The following SMCO4 variants were observed in gnomAD, a reference collection of about 807,000 sequenced individuals.
The protein encoded by SMCO4 is single-pass membrane and coiled-coil domain-containing protein 4.
SMCO4 carries 4 observed loss-of-function variants against 3.6 expected under a neutral mutation model. The observed-to-expected ratio is 1.11, with a 90% CI of 0.54 to 2.53. SMCO4 has a LOEUF of 2.53. Among genes scored for constraint, SMCO4 ranks in the 30% most tolerant of loss-of-function variants. The pLI is 0.02. For missense variants in SMCO4, 70 were observed against 80.8 expected, an observed-to-expected ratio of 0.87 and a Z score of 0.51; for synonymous variants, 36 against 35.3, an observed-to-expected ratio of 1.02 and a Z score of -0.07.
chr11:93,522,454 T>C (rs1418629934), intron 1 of SMCO4, among the ~76,000 whole-genome samples: 1 of 152,226 alleles, frequency 6.6e-6, no homozygotes, highest in Admixed American at 6.5e-5. Flanking sequence ...ACGACCAGTT[T>C]ACGCAACACA....
At chr11:93,505,744 C>T (rs1948892801) in intron 1 of SMCO4, among the ~76,000 whole-genome samples, 1 of 152,062 alleles carries the variant, frequency 6.6e-6, no homozygotes, top group Non-Finnish European at 1.5e-5. Context: ...CACAGATGCC[C>T]ATTCATCAAC....
At chr11:93,516,288 G>C (rs982090792) in intron 1 of SMCO4, among the ~76,000 whole-genome samples, 1 of 152,122 alleles carries the variant, frequency 6.6e-6, no homozygotes, top group Non-Finnish European at 1.5e-5. Flanking sequence ...GAAAGAAGGG[G>C]AGTCAGGCAG....
At chr11:93,494,114 G>A (rs1420668639) in intron 2 of SMCO4, among the ~76,000 whole-genome samples, 1 of 152,140 alleles carries the variant, frequency 6.6e-6, no homozygotes, top group African/African-American at 2.4e-5. Flanking sequence ...ACTGTCCATG[G>A]AGGCAAGGCA....
intron 1 of SMCO4, among the ~76,000 whole-genome samples, chr11:93,518,116 C>A (rs1949024746): frequency 6.6e-6 from 1 of 152,232 alleles, no homozygotes; most frequent in African/African-American, 2.4e-5. Context: ...CTCTTCCCTC[C>A]AGCCCCTGGA....
At chr11:93,551,840 T>C in the SMCO4 span, among the ~76,000 whole-genome samples, 3 of 152,312 alleles carry the variant, frequency 2.0e-5, no homozygotes, top group East Asian at 5.8e-4. Context: ...AAGCATGATT[T>C]AGAAGTGCAG....
intron 1 of SMCO4, among the ~76,000 whole-genome samples, chr11:93,510,965 G>A (rs1432376322): frequency 1.3e-5 from 2 of 152,128 alleles, no homozygotes; most frequent in African/African-American, 4.8e-5. Context: ...CAGGTATGGT[G>A]GCAGGCACCT....
intron 1 of SMCO4, among the ~76,000 whole-genome samples, chr11:93,520,166 TC>T (rs1356891528): frequency 3.3e-5 from 5 of 152,136 alleles, no homozygotes; most frequent in Non-Finnish European, 5.9e-5. Context: ...TCTGGACAAC[TC>T]CCTTGTTTTA....
intron 1 of SMCO4, among the ~76,000 whole-genome samples, chr11:93,519,851 C>T (rs1949041652): frequency 6.6e-6 from 1 of 152,132 alleles, no homozygotes; most frequent in Non-Finnish European, 1.5e-5. Context: ...CTTGTAATAT[C>T]CCCTATGTGT....
At chr11:93,516,003 A>G (rs1311171736) in intron 1 of SMCO4, among the ~76,000 whole-genome samples, 1 of 152,156 alleles carries the variant, frequency 6.6e-6, no homozygotes, top group Non-Finnish European at 1.5e-5. Context: ...TCTACACAGG[A>G]GGCTGCTTCA....
At chr11:93,532,085 A>G (rs1416352564) in intron 1 of SMCO4, among the ~76,000 whole-genome samples, 2 of 152,172 alleles carry the variant, frequency 1.3e-5, no homozygotes, top group South Asian at 2.1e-4. Context: ...GGACCTTCTG[A>G]GGCTGTGTCA....
chr11:93,543,794 A>G (rs1230546314), upstream of SMCO4, among the ~76,000 whole-genome samples: 2 of 152,244 alleles, frequency 1.3e-5, no homozygotes, highest in Non-Finnish European at 2.9e-5. Flanking sequence ...CCCTGTCTGG[A>G]ATACTGAAGT....
chr11:93,553,336 G>T, the SMCO4 span, among the ~76,000 whole-genome samples: 11 of 152,166 alleles, frequency 7.2e-5, no homozygotes, highest in African/African-American at 2.7e-4. Flanking sequence ...TCTCAAAGGG[G>T]TCTATGGCTG....
chr11:93,496,503 A>G (rs1423688282), intron 2 of SMCO4, among the ~76,000 whole-genome samples: 1 of 152,158 alleles, frequency 6.6e-6, no homozygotes, highest in Non-Finnish European at 1.5e-5. Context: ...CCCATGAGAT[A>G]CCAAGTTTGC....
intron 1 of SMCO4, among the ~76,000 whole-genome samples, chr11:93,519,228 G>A (rs1259479008): frequency 1.3e-5 from 2 of 152,156 alleles, no homozygotes; most frequent in East Asian, 3.9e-4. Flanking sequence ...TGGCAAGATG[G>A]GAATGCAGAG....
At chr11:93,528,451 T>C (rs1949132263) in intron 1 of SMCO4, among the ~76,000 whole-genome samples, 1 of 152,212 alleles carries the variant, frequency 6.6e-6, no homozygotes, top group Non-Finnish European at 1.5e-5. Flanking sequence ...TGCTCGTCTC[T>C]GCCTCCAAGT....
the SMCO4 span, among the ~76,000 whole-genome samples, chr11:93,551,084 C>T: frequency 6.6e-6 from 1 of 152,106 alleles, no homozygotes; most frequent in Admixed American, 6.6e-5. Flanking sequence ...GGCAATTTAT[C>T]GAGTTGTGTG....
At chr11:93,515,598 G>A (rs1479147276) in intron 1 of SMCO4, among the ~76,000 whole-genome samples, 2 of 152,120 alleles carry the variant, frequency 1.3e-5, no homozygotes, top group Non-Finnish European at 2.9e-5. Flanking sequence ...GAATTTCCAG[G>A]CGAATACACT....
At chr11:93,553,559 G>A in the SMCO4 span, among the ~76,000 whole-genome samples, 1 of 152,132 alleles carries the variant, frequency 6.6e-6, no homozygotes, top group Admixed American at 6.5e-5. Flanking sequence ...TTACAGTGTT[G>A]CAGATCTCAA....
intron 2 of SMCO4, among the ~76,000 whole-genome samples, chr11:93,492,891 A>G (rs1284726212): frequency 6.6e-6 from 1 of 152,184 alleles, no homozygotes; most frequent in Non-Finnish European, 1.5e-5. Flanking sequence ...GACAAAATTC[A>G]TATATTTTGC....
Sources: gnomAD v4.1 joint callset for allele counts (sites outside exome capture counted in the v4.1 genomes callset) on GRCh38, gnomAD v4.1.1 for gene constraint, MANE v1.5 for transcripts, NCBI Gene and HGNC (gene_info 2026-07-23, HGNC 2026-07-21) for gene names.